Variants in SHISA9 observed in about 807,000 individuals in gnomAD.
The protein encoded by SHISA9 is shisa family member 9.
A neutral mutation model predicts 38.0 loss-of-function variants in SHISA9; 13 were observed. The observed-to-expected ratio is 0.34, with a 90% confidence interval of 0.22 to 0.54. The LOEUF (loss-of-function observed/expected upper bound fraction) is 0.54. SHISA9 is among the 20% of genes least tolerant of loss of function. SHISA9 has a pLI of 0.91. For missense variants in SHISA9, 538 were observed against 575.8 expected (o/e 0.93, Z 0.67); for synonymous variants, 275 against 242.0 (o/e 1.14, Z -1.27).
At position 13,239,024 on chromosome 16, in the gene SHISA9, C is replaced by T. The variant is rs915157899; in HGVS notation, c.*3615C>T. On this transcript the variant is annotated 3_prime_UTR_variant, in exon 5 of 5. Transcript: ENST00000558583. ...CAACAGTCCCCAGAGTGTGATGTTC[C>T]CCTTCTTGTGTCCATGTGTTCTCAT... The T allele has an allele frequency of 4.8e-5, 6 of 126,028 alleles. No homozygotes were observed. Among genetic ancestry groups the T allele is most frequent in the African/African-American group, 1.8e-4 (6 of 33,766 alleles). The allele number at this position is 126,028 out of a possible 1,614,324, so 7.8% of individuals were successfully genotyped here. A position where few individuals can be genotyped will look rare whatever the true frequency, so the allele number is the denominator to read the frequency against.
the SHISA9 span, among the ~76,000 whole-genome samples, chr16:13,287,719 C>A: frequency 6.6e-6 from 1 of 152,042 alleles, no homozygotes; most frequent in African/African-American, 2.4e-5. Flanking sequence ...TAGACTGGAT[C>A]ACAAAAAGAA....
the SHISA9 span, among the ~76,000 whole-genome samples, chr16:13,446,779 C>G: frequency 6.6e-6 from 1 of 151,884 alleles, no homozygotes; most frequent in African/African-American, 2.4e-5. Context: ...GAGTTTGAGA[C>G]CAGCCTGGCC....
intron 2 of SHISA9, among the ~76,000 whole-genome samples, chr16:13,109,536 T>C (rs768865628): frequency 2.3e-4 from 35 of 152,210 alleles, no homozygotes; most frequent in Non-Finnish European, 4.1e-4. Context: ...TTTATGATGG[T>C]ATAATTGACA....
the SHISA9 span, among the ~76,000 whole-genome samples, chr16:13,446,750 G>A: frequency 9.7e-4 from 148 of 152,182 alleles, no homozygotes; most frequent in African/African-American, 3.4e-3. Context: ...GCCGAGGCGG[G>A]TGGATCACTT....
intron 2 of SHISA9, among the ~76,000 whole-genome samples, chr16:13,029,604 T>C (rs983913172): frequency 7.2e-5 from 11 of 152,166 alleles, no homozygotes; most frequent in African/African-American, 2.7e-4. Flanking sequence ...TGAGACCCTG[T>C]CTAAACAAAC....
the SHISA9 span, among the ~76,000 whole-genome samples, chr16:13,324,435 C>G: frequency 6.6e-6 from 1 of 152,022 alleles, no homozygotes; most frequent in African/African-American, 2.4e-5. Flanking sequence ...TTGGCAACCA[C>G]AAAGAAAAAT....
At chr16:13,444,132 A>G in the SHISA9 span, among the ~76,000 whole-genome samples, 1 of 152,194 alleles carries the variant, frequency 6.6e-6, no homozygotes, top group South Asian at 2.1e-4. Flanking sequence ...GCACTTTGGG[A>G]GGCCAAGGCT....
chr16:13,552,502 A>G, the SHISA9 span, among the ~76,000 whole-genome samples: 1 of 151,524 alleles, frequency 6.6e-6, no homozygotes. Context: ...GCTTTGTGGC[A>G]AGTGCTTTTG....
the SHISA9 span, among the ~76,000 whole-genome samples, chr16:13,320,336 A>G: frequency 2.0e-5 from 3 of 151,346 alleles, no homozygotes; most frequent in African/African-American, 4.8e-5. Flanking sequence ...CAAAACAGCA[A>G]TAGGCTCAGA....
chr16:13,414,068 T>C, the SHISA9 span, among the ~76,000 whole-genome samples: 1 of 152,208 alleles, frequency 6.6e-6, no homozygotes, highest in Non-Finnish European at 1.5e-5. Flanking sequence ...GTCCTTCTGA[T>C]GGTCTTTTCC....
At chr16:13,332,207 A>G in the SHISA9 span, among the ~76,000 whole-genome samples, 1 of 152,338 alleles carries the variant, frequency 6.6e-6, no homozygotes, top group Admixed American at 6.5e-5. Context: ...CTCTGGGATG[A>G]CAAGTTGTCC....
At chr16:13,266,826 T>C in the SHISA9 span, among the ~76,000 whole-genome samples, 1 of 152,108 alleles carries the variant, frequency 6.6e-6, no homozygotes, top group Non-Finnish European at 1.5e-5. Flanking sequence ...GACCTTCATA[T>C]ATGATGACAA....
the SHISA9 span, among the ~76,000 whole-genome samples, chr16:13,480,043 A>G: frequency 6.6e-6 from 1 of 152,200 alleles, no homozygotes; most frequent in Non-Finnish European, 1.5e-5. Context: ...ATAATCTGAA[A>G]AATGGGATCT....
At chr16:13,262,075 A>G in the SHISA9 span, among the ~76,000 whole-genome samples, 5 of 152,262 alleles carry the variant, frequency 3.3e-5, no homozygotes, top group African/African-American at 1.2e-4. Flanking sequence ...AATTGAGATA[A>G]GACCCAGCAG....
chr16:13,549,992 C>T, the SHISA9 span, among the ~76,000 whole-genome samples: 7 of 146,146 alleles, frequency 4.8e-5, no homozygotes, highest in Non-Finnish European at 1.0e-4. Context: ...CACTGCACTC[C>T]AGCGTGGGCA....
At chr16:13,437,571 C>G in the SHISA9 span, among the ~76,000 whole-genome samples, 4 of 152,158 alleles carry the variant, frequency 2.6e-5, no homozygotes, top group African/African-American at 9.7e-5. Context: ...TGTGTTTACC[C>G]TCTTCTGTGT....
In SHISA9 at chr16:13,083,412, A is replaced by G. The variant is rs1466675658; in HGVS notation, c.692-119982A>G. Among the ~76,000 whole-genome samples, 22 of 152,202 alleles carry G rather than the reference A, an allele frequency of 1.4e-4. 1 individual carries two copies. The highest frequency in any genetic ancestry group is 3.1e-4 in the Non-Finnish European group (21 of 68,046). ...GGCTTCACTTTGCATCTTAGGTTGG[A>G]TTCCCTAGAAGCAGAGTTTGAGATG... On this transcript the variant is annotated intron_variant, in intron 2 of 4. Transcript: ENST00000558583.
At chr16:13,134,655 A>G (rs1175254524) in intron 2 of SHISA9, among the ~76,000 whole-genome samples, 1 of 152,136 alleles carries the variant, frequency 6.6e-6, no homozygotes, top group Non-Finnish European at 1.5e-5. Flanking sequence ...GGGCTGAATC[A>G]TGTACAGTCT....
In SHISA9 at chr16:13,118,200, A is replaced by G. The variant is rs907929699; in HGVS notation, c.692-85194A>G. 1.3e-4 allele frequency among the ~76,000 whole-genome samples: 20 copies of G among 150,596 alleles called. 1 individual carries two copies. Among genetic ancestry groups the G allele is most frequent in the South Asian group, 6.3e-4 (3 of 4,756 alleles). ...TCGTCTAAAAAAAAAAAAAAAAAAA[A>G]GCTCACAATCTAGAGCTGGGAGATG... On this transcript the variant is annotated intron_variant, in intron 2 of 4. Transcript: ENST00000558583.
Sources: gnomAD v4.1 joint callset for allele counts (sites outside exome capture counted in the v4.1 genomes callset) on GRCh38, gnomAD v4.1.1 for gene constraint, MANE v1.5 for transcripts, NCBI Gene and HGNC (gene_info 2026-07-23, HGNC 2026-07-21) for gene names.